NALCN: variants seen among roughly 807,000 people sequenced by gnomAD.
NALCN encodes sodium leak channel, non-selective.
A neutral mutation model predicts 225.3 loss-of-function variants in NALCN; 111 were observed. That is an observed-to-expected ratio of 0.49 (90% CI 0.42 to 0.58). The LOEUF (loss-of-function observed/expected upper bound fraction) is 0.58, where lower values mean the gene tolerates loss of function less well. NALCN is among the 20% of genes least tolerant of loss of function. NALCN has a pLI of 0.00. For missense variants in NALCN, 1,378 were observed against 2,202.4 expected (o/e 0.63, Z 7.49); for synonymous variants, 764 against 769.0 (o/e 0.99, Z 0.11).
At chr13:101,304,991 G>A (rs1404503174) in intron 7 of NALCN, among the ~76,000 whole-genome samples, 5 of 151,772 alleles carry the variant, frequency 3.3e-5, no homozygotes, top group Admixed American at 1.3e-4. Context: ...TCCTGACCTC[G>A]TGATCCGCCC....
chr13:101,257,693 G>A (rs907578692), intron 11 of NALCN, among the ~76,000 whole-genome samples: 10 of 151,896 alleles, frequency 6.6e-5, no homozygotes, highest in Middle Eastern at 3.4e-3. Flanking sequence ...GGGTTTCTAC[G>A]TTGTCAATCA....
chr13:101,172,708 C>T (rs899158318), intron 15 of NALCN, among the ~76,000 whole-genome samples: 1 of 151,732 alleles, frequency 6.6e-6, no homozygotes, highest in Non-Finnish European at 1.5e-5. Context: ...TACAGGTGCC[C>T]GCCACCACGC....
intron 11 of NALCN, 103 bp from the exon 12 acceptor site, chr13:101,238,025 C>T (rs2041625615): frequency 1.1e-6 from 1 of 919,278 alleles, no homozygotes. Flanking sequence ...CTATCATATA[C>T]ACTAAGGTGC....
At chr13:101,318,117 C>T (rs927249559) in intron 7 of NALCN, among the ~76,000 whole-genome samples, 1 of 152,168 alleles carries the variant, frequency 6.6e-6, no homozygotes, top group Non-Finnish European at 1.5e-5. Context: ...CTTCACCAGC[C>T]GGAAACCTCT....
At chr13:101,203,557 C>T (rs1365115024) in intron 13 of NALCN, among the ~76,000 whole-genome samples, 1 of 152,068 alleles carries the variant, frequency 6.6e-6, no homozygotes, top group Non-Finnish European at 1.5e-5. Flanking sequence ...AATGTTTGGT[C>T]ATATATGGTG....
At chr13:101,158,207 T>A (rs1443208737) in intron 15 of NALCN, among the ~76,000 whole-genome samples, 2 of 152,256 alleles carry the variant, frequency 1.3e-5, no homozygotes, top group African/African-American at 4.8e-5. Flanking sequence ...TGTCCTTTGT[T>A]GATAGGGTTA....
intron 14 of NALCN, among the ~76,000 whole-genome samples, chr13:101,183,341 G>C (rs1421515487): frequency 1.3e-5 from 2 of 152,192 alleles, no homozygotes; most frequent in African/African-American, 2.4e-5. Context: ...AATCACAGGA[G>C]TGTCATCATA....
chr13:101,237,608 T>C (rs2041609182), intron 12 of NALCN, 147 bp downstream of exon 12: 3 of 356,706 alleles, frequency 8.4e-6, no homozygotes, highest in Non-Finnish European at 9.0e-6. Flanking sequence ...AAGATGTCAT[T>C]GTGCCTTTCT....
At chr13:101,259,732 G>GTA (rs35199456) in intron 10 of NALCN, among the ~76,000 whole-genome samples, 2,807 of 119,362 alleles carry the variant, frequency 0.024, 70 homozygotes, top group African/African-American at 0.061. Context: ...CATAGTAAGT[G>GTA]TATATATATA....
At chr13:101,346,087 C>CTCTCTCTCTCTCTCTCTCTCTATA in intron 6 of NALCN, among the ~76,000 whole-genome samples, 67 of 70,942 alleles carry the variant, frequency 9.4e-4, no homozygotes, top group African/African-American at 1.6e-3. Context: ...CTCTCTCTCT[C>CTCTCTCTCTCTCTCTCTCTCTATA]TATATATATA....
At chr13:101,081,099 A>G (rs970098630) in intron 34 of NALCN, among the ~76,000 whole-genome samples, 1 of 152,240 alleles carries the variant, frequency 6.6e-6, no homozygotes, top group African/African-American at 2.4e-5. Flanking sequence ...TACTGATTAT[A>G]ACAAAGTGGA....
chr13:101,399,354 T>C (rs1292445328), intron 1 of NALCN, among the ~76,000 whole-genome samples, 189 bp from the exon 2 acceptor site: 1 of 152,202 alleles, frequency 6.6e-6, no homozygotes, highest in Admixed American at 6.5e-5. Context: ...TTGATTTTTT[T>C]CTCCCAAAGC....
At chr13:101,225,889 C>A (rs1352161196) in intron 13 of NALCN, among the ~76,000 whole-genome samples, 1 of 152,118 alleles carries the variant, frequency 6.6e-6, no homozygotes, top group Non-Finnish European at 1.5e-5. Flanking sequence ...TCACCTTTTT[C>A]AAAGATTTTT....
chr13:101,125,367 A>G (rs1375776942), intron 17 of NALCN, among the ~76,000 whole-genome samples: 1 of 152,168 alleles, frequency 6.6e-6, no homozygotes, highest in East Asian at 1.9e-4. Context: ...TAAATAAATA[A>G]CTAGATTCAC....
chr13:101,175,582 A>T (rs1048841465), intron 15 of NALCN, among the ~76,000 whole-genome samples: 2 of 152,194 alleles, frequency 1.3e-5, no homozygotes, highest in Non-Finnish European at 2.9e-5. Flanking sequence ...AGTTTTGGGG[A>T]GGGTGATACA....
chr13:101,308,564 T>C (rs919810742), intron 7 of NALCN, among the ~76,000 whole-genome samples: 5 of 152,162 alleles, frequency 3.3e-5, no homozygotes, highest in East Asian at 1.9e-4. Context: ...GCTTGAGCCA[T>C]TGTGTTGTGA....
chr13:101,252,301 T>G (rs959583198), intron 11 of NALCN, among the ~76,000 whole-genome samples: 2 of 152,198 alleles, frequency 1.3e-5, no homozygotes, highest in Admixed American at 6.5e-5. Context: ...TGAAATGAGA[T>G]GAAAAATTTT....
At chr13:101,399,278 A>G (rs2047400134) in intron 1 of NALCN, 113 bp from the exon 2 acceptor site, 2 of 591,738 alleles carry the variant, frequency 3.4e-6, no homozygotes, top group Admixed American at 3.2e-5. Flanking sequence ...TCTACTCCAT[A>G]GTGTATAATA....
intron 17 of NALCN, among the ~76,000 whole-genome samples, chr13:101,127,280 T>A (rs12584031): frequency 0.19 from 28,391 of 152,216 alleles, 2,860 homozygotes; most frequent in East Asian, 0.42. Context: ...GAGAACTGTT[T>A]TTATAACTAA....
Sources: gnomAD v4.1 joint callset for allele counts (sites outside exome capture counted in the v4.1 genomes callset) on GRCh38, gnomAD v4.1.1 for gene constraint, MANE v1.5 for transcripts, NCBI Gene and HGNC (gene_info 2026-07-23, HGNC 2026-07-21) for gene names.